The following COL4A6 variants were observed in gnomAD, a reference collection of about 807,000 sequenced individuals.
The protein encoded by COL4A6 is collagen alpha-6(IV) chain.
COL4A6 carries 59 observed loss-of-function variants against 126.7 expected under a neutral mutation model. That is an observed-to-expected ratio of 0.47 (90% CI 0.38 to 0.58). The LOEUF (loss-of-function observed/expected upper bound fraction) is 0.58. Ranked by LOEUF, COL4A6 falls within the 20% of genes least tolerant of loss-of-function variation. COL4A6 has a pLI of 0.00. For missense variants in COL4A6, 1,285 were observed against 1,337.3 expected, an observed-to-expected ratio of 0.96 and a Z score of 0.61; for synonymous variants, 547 against 496.6, an observed-to-expected ratio of 1.10 and a Z score of -1.35.
chrX:108,439,237 T>TA (rs2064334664), upstream of COL4A6: 3 of 286,240 alleles, frequency 1.0e-5, no homozygotes, highest in East Asian at 1.8e-4. Flanking sequence ...TAAACAGAGA[T>TA]ATAGCTGTAT....
At chrX:108,326,847 T>C (rs748762762) in intron 2 of COL4A6, among the ~76,000 whole-genome samples, 19 of 111,864 alleles carry the variant, frequency 1.7e-4, no homozygotes, top group Non-Finnish European at 3.2e-4. Flanking sequence ...AAATTTCCAG[T>C]AGAAAAATTA....
At position 108,191,467 on chromosome X, in the gene COL4A6, C is replaced by T. The variant is rs749725921; in HGVS notation, c.1247G>A (p.Arg416His). The T allele has an allele frequency of 9.0e-5, 109 of 1,209,578 alleles. 2 individuals carry two copies. In the South Asian group the frequency reaches 1.6e-3, roughly 17 times the overall value. ...GAGGCCAGCTGCTCCAATTGTGGTACGGCCTGGGTTTCCTTGGTCCCCCTT... is the reference window on the plus strand; with the variant it reads ...GAGGCCAGCTGCTCCAATTGTGGTATGGCCTGGGTTTCCTTGGTCCCCCTT... Reference protein sequence around the residue: ...GLKGDQGNPGRTTIGAAGLPG... With the variant: ...GLKGDQGNPGHTTIGAAGLPG... The change falls in exon 19 of 45, where the codon CGT (arginine) becomes CAT (histidine). Residue 416 changes from arginine (R) to histidine (H), a missense_variant. Physicochemically the swap from Arg to His is conservative, Grantham distance 29. Coordinates refer to ENST00000334504, the MANE Select transcript of COL4A6 (RefSeq NM_033641.4).
intron 2 of COL4A6, among the ~76,000 whole-genome samples, chrX:108,345,954 A>G (rs1016316417): frequency 9.0e-6 from 1 of 111,659 alleles, no homozygotes; most frequent in Admixed American, 9.5e-5. Context: ...AGCTCCCCAC[A>G]TAATTGCAAT....
chrX:108,233,909 G>A (rs1300834643), intron 3 of COL4A6, among the ~76,000 whole-genome samples: 3 of 109,894 alleles, frequency 2.7e-5, no homozygotes, highest in Non-Finnish European at 5.7e-5. Flanking sequence ...AAGATGGGAA[G>A]GGAATGAGAT....
chrX:108,173,939 C>T (rs1376161581), intron 31 of COL4A6, among the ~76,000 whole-genome samples: 1 of 112,492 alleles, frequency 8.9e-6, no homozygotes, highest in East Asian at 2.8e-4. Context: ...TCTAGCAAAA[C>T]GTCAAGAAGT....
chrX:108,193,589 C>T (rs754959302), intron 17 of COL4A6, 39 bp downstream of exon 17: 2 of 1,074,554 alleles, frequency 1.9e-6, no homozygotes, highest in East Asian at 3.0e-5. Context: ...ATTTAACTTC[C>T]TGTCTTTATT....
chrX:108,332,639 C>A (rs2039329477), intron 2 of COL4A6, among the ~76,000 whole-genome samples: 1 of 110,947 alleles, frequency 9.0e-6, no homozygotes, highest in South Asian at 3.7e-4. Flanking sequence ...TGGCCACCTG[C>A]ATTTCTTCTT....
At chrX:108,210,820 A>G (rs953408674) in intron 7 of COL4A6, among the ~76,000 whole-genome samples, 2 of 111,654 alleles carry the variant, frequency 1.8e-5, no homozygotes, top group Non-Finnish European at 3.8e-5. Context: ...TCTATCTTCT[A>G]CTATGGCATC....
rs1422840293 is a variant in COL4A6, at chrX:108,155,706, A to C, written c.*1294T>G. 1 of 112,257 alleles carries C rather than the reference A, an allele frequency of 8.9e-6. No individual in the cohort carries two copies. Among genetic ancestry groups the C allele is most frequent in the African/African-American group, 3.2e-5 (1 of 30,904 alleles). 9.3% of individuals were successfully genotyped at this position (112,257 alleles called of 1,213,427 possible). ...GATAACAATAATTCAGATTATATTG[A>C]TTATGCTTTGTCTGTATTGGCACAG... On this transcript the variant is annotated 3_prime_UTR_variant, in exon 45 of 45. Transcript: ENST00000334504.
intron 2 of COL4A6, among the ~76,000 whole-genome samples, chrX:108,429,523 G>A (rs1317146067): frequency 9.0e-6 from 1 of 111,470 alleles, no homozygotes; most frequent in Non-Finnish European, 1.9e-5. Context: ...AATGAAATAA[G>A]ATCAGTGAAT....
intron 13 of COL4A6, among the ~76,000 whole-genome samples, chrX:108,198,815 A>G (rs1471641069): frequency 1.8e-5 from 2 of 110,747 alleles, no homozygotes; most frequent in African/African-American, 6.6e-5. Context: ...AGTTACCCCT[A>G]CTGGGTAGGT....
At chrX:108,419,820 T>G (rs1280257513) in intron 2 of COL4A6, among the ~76,000 whole-genome samples, 7 of 111,774 alleles carry the variant, frequency 6.3e-5, no homozygotes, top group East Asian at 2.8e-4. Flanking sequence ...TAAGCTAATA[T>G]CTTTGTCCAT....
chrX:108,409,630 T>A (rs1241108239), intron 2 of COL4A6, among the ~76,000 whole-genome samples: 1 of 111,657 alleles, frequency 9.0e-6, no homozygotes, highest in Non-Finnish European at 1.9e-5. Flanking sequence ...TCCTAACAAC[T>A]ATGGCCAAGA....
intron 43 of COL4A6, 45 bp from the exon 44 acceptor site, chrX:108,159,793 G>A (rs2033861884): frequency 8.4e-7 from 1 of 1,197,388 alleles, no homozygotes; most frequent in Non-Finnish European, 1.1e-6. Context: ...GTCTGGCTGA[G>A]GGGCTTTGAC....
intron 2 of COL4A6, among the ~76,000 whole-genome samples, chrX:108,424,127 T>C (rs1394663372): frequency 8.9e-6 from 1 of 111,941 alleles, no homozygotes; most frequent in South Asian, 3.7e-4. Context: ...GAAAACCCGA[T>C]TGATGGGGCA....
chrX:108,265,920 T>TA (rs200911420), intron 3 of COL4A6, among the ~76,000 whole-genome samples: 1,398 of 108,503 alleles, frequency 0.013, 8 homozygotes, highest in African/African-American at 0.017. Flanking sequence ...ATGACATACA[T>TA]AAAAAAAAAC....
intron 2 of COL4A6, among the ~76,000 whole-genome samples, chrX:108,335,624 C>CAT (rs762810522): frequency 8.9e-4 from 99 of 110,985 alleles, no homozygotes; most frequent in African/African-American, 2.9e-3. Context: ...GAAACACACA[C>CAT]ATATATATAC....
chrX:108,377,963 A>T (rs1428085832), intron 2 of COL4A6, among the ~76,000 whole-genome samples: 2 of 106,869 alleles, frequency 1.9e-5, no homozygotes, highest in South Asian at 8.2e-4. Context: ...AAAAAAAAAA[A>T]AAAAAGCTCT....
intron 2 of COL4A6, among the ~76,000 whole-genome samples, chrX:108,424,104 G>A (rs968624529): frequency 8.9e-6 from 1 of 111,796 alleles, no homozygotes. Flanking sequence ...TCTTCATAGG[G>A]TTCACTGCAA....
Sources: allele counts gnomAD v4.1 joint callset (sites outside exome capture counted in the v4.1 genomes callset), GRCh38; gene constraint gnomAD v4.1.1; transcripts MANE v1.5; gene names NCBI Gene and HGNC (gene_info 2026-07-23, HGNC 2026-07-21).